FSTL4: variants seen among roughly 807,000 people sequenced by gnomAD.
FSTL4 encodes follistatin like 4, also known as follistatin-related protein 4.
FSTL4 carries 28 observed loss-of-function variants against 78.2 expected under a neutral mutation model. The observed-to-expected ratio is 0.36, with a 90% CI of 0.27 to 0.49. The LOEUF is 0.49. FSTL4 is among the 20% of genes least tolerant of loss of function. The probability of loss-of-function intolerance (pLI) is 0.98; values close to 1 mark genes in which losing one functional copy is unlikely to be tolerated. For missense variants in FSTL4, 922 were observed against 1,084.9 expected (o/e 0.85, Z 2.11); for synonymous variants, 422 against 440.5 (o/e 0.96, Z 0.53).
At chr5:133,423,926 A>T (rs1756752078) in intron 3 of FSTL4, among the ~76,000 whole-genome samples, 1 of 152,164 alleles carries the variant, frequency 6.6e-6, no homozygotes. Context: ...AGCGCACGTG[A>T]GCTGGAGCCC....
At chr5:133,462,641 A>G (rs757920360) in intron 3 of FSTL4, among the ~76,000 whole-genome samples, 7 of 152,150 alleles carry the variant, frequency 4.6e-5, no homozygotes, top group Non-Finnish European at 7.3e-5. Context: ...AAATGTGAGG[A>G]GTGCTAAGAA....
chr5:133,767,979 T>C, the FSTL4 span, among the ~76,000 whole-genome samples: 6 of 152,090 alleles, frequency 3.9e-5, no homozygotes, highest in Non-Finnish European at 5.9e-5. Flanking sequence ...CCAAGATTAC[T>C]CAGGGAAAGG....
chr5:133,333,818 A>G (rs1390396918), intron 4 of FSTL4, among the ~76,000 whole-genome samples: 4 of 152,248 alleles, frequency 2.6e-5, no homozygotes, highest in African/African-American at 9.6e-5. Flanking sequence ...ACTGAAGGGA[A>G]AGGAAATCTG....
At chr5:133,327,558 T>G (rs1754243850) in intron 4 of FSTL4, among the ~76,000 whole-genome samples, 1 of 152,202 alleles carries the variant, frequency 6.6e-6, no homozygotes, top group Non-Finnish European at 1.5e-5. Flanking sequence ...GGTGCCCGCC[T>G]CTCAGCCAAG....
chr5:133,742,123 C>T, the FSTL4 span, among the ~76,000 whole-genome samples: 11 of 152,378 alleles, frequency 7.2e-5, no homozygotes, highest in Middle Eastern at 3.4e-3. Context: ...CCCTCTTACC[C>T]TTGGCGGGTC....
chr5:133,665,028 C>T, the FSTL4 span, among the ~76,000 whole-genome samples: 34 of 152,306 alleles, frequency 2.2e-4, 1 homozygote, highest in South Asian at 6.0e-3. Flanking sequence ...CATTTGGTGG[C>T]CACTGCTCAG....
At chr5:133,686,196 T>C in the FSTL4 span, among the ~76,000 whole-genome samples, 277 of 152,326 alleles carry the variant, frequency 1.8e-3, no homozygotes, top group Middle Eastern at 0.01. Context: ...TGTGTAAAAG[T>C]GAACAGCCCA....
intron 3 of FSTL4, among the ~76,000 whole-genome samples, chr5:133,439,267 C>G (rs1352751977): frequency 6.6e-6 from 1 of 152,110 alleles, no homozygotes; most frequent in Non-Finnish European, 1.5e-5. Flanking sequence ...CTCTATGAGA[C>G]CTTTGAATCT....
In FSTL4 at chr5:133,611,945, G is replaced by C. The variant is rs2112988272; in HGVS notation, c.-11+380C>G. Among the ~76,000 whole-genome samples the C allele has an allele frequency of 2.0e-5, 3 of 152,068 alleles. No homozygotes were observed. The South Asian group carries it at 6.2e-4, about 32-fold the overall frequency. ...CGCTCGGGGTCCTGAACCCAAGAAC[G>C]GCGCCTGCAGGATTTCGGAGCCGGG... On this transcript the variant is annotated intron_variant, in intron 1 of 15. Coordinates refer to ENST00000265342, the MANE Select transcript of FSTL4 (RefSeq NM_015082.2). This position sits in a 1 kb window ranked among gnomAD's most constrained non-coding sequence, Gnocchi z 4.9.
the FSTL4 span, among the ~76,000 whole-genome samples, chr5:133,803,459 G>T: frequency 2.0e-5 from 3 of 152,138 alleles, no homozygotes; most frequent in South Asian, 6.2e-4. Flanking sequence ...ACAGGCTTTT[G>T]TTTCCCCACC....
chr5:133,627,569 G>A, the FSTL4 span, among the ~76,000 whole-genome samples: 2 of 152,062 alleles, frequency 1.3e-5, no homozygotes, highest in African/African-American at 4.8e-5. Flanking sequence ...TGTTAATATA[G>A]GTACTTTGAA....
At chr5:133,422,562 A>G (rs1380768724) in intron 3 of FSTL4, among the ~76,000 whole-genome samples, 1 of 151,996 alleles carries the variant, frequency 6.6e-6, no homozygotes, top group East Asian at 1.9e-4. Context: ...TTGGAAGGAA[A>G]AAAAAAAATC....
intron 4 of FSTL4, among the ~76,000 whole-genome samples, chr5:133,392,788 A>G (rs1755881971): frequency 6.6e-6 from 1 of 152,178 alleles, no homozygotes; most frequent in African/African-American, 2.4e-5. Flanking sequence ...GATGCCAGAA[A>G]ACAGCAGGAA....
the FSTL4 span, among the ~76,000 whole-genome samples, chr5:133,644,259 C>T: frequency 7.2e-5 from 11 of 152,254 alleles, no homozygotes; most frequent in Admixed American, 3.9e-4. Context: ...TTCCATTGCT[C>T]ATCCTTTTCT....
At chr5:133,590,837 G>T (rs1444619103) in intron 2 of FSTL4, among the ~76,000 whole-genome samples, 2 of 152,180 alleles carry the variant, frequency 1.3e-5, no homozygotes, top group African/African-American at 4.8e-5. Flanking sequence ...AGATTGAGGG[G>T]CTGGCATTTT....
At chr5:133,481,143 T>G (rs569491422) in intron 3 of FSTL4, among the ~76,000 whole-genome samples, 8 of 152,342 alleles carry the variant, frequency 5.3e-5, no homozygotes, top group African/African-American at 1.9e-4. Context: ...TACATGTGAC[T>G]CCATGAGCAG....
the FSTL4 span, among the ~76,000 whole-genome samples, chr5:133,687,526 G>A: frequency 0.45 from 67,818 of 151,834 alleles, 15,245 homozygotes; most frequent in East Asian, 0.59. Context: ...CACCCAGGGG[G>A]GCTTTACAGG....
chr5:133,339,009 C>T (rs1754529121), intron 4 of FSTL4, among the ~76,000 whole-genome samples: 1 of 152,166 alleles, frequency 6.6e-6, no homozygotes, highest in Non-Finnish European at 1.5e-5. Context: ...TGGGGGCTCC[C>T]ACTGCCTTCG....
In FSTL4 at chr5:133,225,636, G is replaced by A. The variant is rs760862746; in HGVS notation, c.1177+22C>T. 48 of 1,540,964 alleles carry A rather than the reference G, an allele frequency of 3.1e-5. No individual in the cohort carries two copies. Among genetic ancestry groups the A allele is most frequent in the African/African-American group, 5.5e-5 (4 of 72,442 alleles). ...ATTTGAATGGGAATATCGCATAGACGTCTACCAAGGGCAGTTCTTACCTAA... is the reference window on the plus strand; with the variant it reads ...ATTTGAATGGGAATATCGCATAGACATCTACCAAGGGCAGTTCTTACCTAA... On this transcript the variant is annotated intron_variant, in intron 9 of 15. Coordinates refer to ENST00000265342, the MANE Select transcript of FSTL4 (RefSeq NM_015082.2). The surrounding 1 kb of genome is among the most constrained non-coding windows in gnomAD (Gnocchi z 4.6).
Sources: allele counts gnomAD v4.1 joint callset (sites outside exome capture counted in the v4.1 genomes callset), GRCh38; gene constraint gnomAD v4.1.1; non-coding constraint Gnocchi (gnomAD v3.1); transcripts MANE v1.5; gene names NCBI Gene and HGNC (gene_info 2026-07-23, HGNC 2026-07-21).